Variants in LMCD1 observed in about 807,000 individuals in gnomAD.
LMCD1 encodes LIM and cysteine-rich domains protein 1.
LMCD1 carries 32 observed loss-of-function variants against 42.7 expected under a neutral mutation model. The observed-to-expected ratio is 0.75, with a 90% CI of 0.57 to 1.01. The LOEUF (loss-of-function observed/expected upper bound fraction) is 1.01. Ranked by LOEUF, LMCD1 falls within the 50% of genes least tolerant of loss-of-function variation. The pLI, the probability that LMCD1 is intolerant of heterozygous loss-of-function variation, is 0.00. For missense variants in LMCD1, 458 were observed against 483.1 expected (o/e 0.95, Z 0.49); for synonymous variants, 178 against 184.9 (o/e 0.96, Z 0.30).
chr3:8,507,023 G>A (rs758672025), intron 1 of LMCD1, among the ~76,000 whole-genome samples: 17 of 152,220 alleles, frequency 1.1e-4, no homozygotes, highest in Admixed American at 5.9e-4. Context: ...AAGAGCCTTC[G>A]TTTAGAAATA....
intron 3 of LMCD1, among the ~76,000 whole-genome samples, chr3:8,541,860 T>C (rs1370274637): frequency 1.3e-5 from 2 of 152,176 alleles, no homozygotes; most frequent in Admixed American, 6.5e-5. Context: ...AGAGGGATTC[T>C]GAGGGCTTGA....
At chr3:8,522,614 A>C (rs1694226866) in intron 1 of LMCD1, among the ~76,000 whole-genome samples, 1 of 152,134 alleles carries the variant, frequency 6.6e-6, no homozygotes, top group African/African-American at 2.4e-5. Context: ...GCTTCTGTGA[A>C]TTTATTCCTC....
intron 2 of LMCD1, among the ~76,000 whole-genome samples, chr3:8,534,178 G>C (rs1694466343): frequency 6.6e-6 from 1 of 151,562 alleles, no homozygotes; most frequent in Admixed American, 6.6e-5. Flanking sequence ...TATATTTCTT[G>C]AGCCAGGGGA....
At chr3:8,502,585 CACACACACACACACACACACA>C (rs1423693311) in intron 1 of LMCD1, among the ~76,000 whole-genome samples, 11 of 54,412 alleles carry the variant, frequency 2.0e-4, no homozygotes, top group African/African-American at 5.7e-4. Flanking sequence ...CACACACACA[CACACACACACACACACACACA>C]CGCACGCAGT....
chr3:8,546,367 C>T (rs1005137553), intron 3 of LMCD1, among the ~76,000 whole-genome samples: 3 of 152,178 alleles, frequency 2.0e-5, no homozygotes, highest in African/African-American at 7.2e-5. Flanking sequence ...CTGTCCTGGG[C>T]CATATGTGGC....
intron 1 of LMCD1, among the ~76,000 whole-genome samples, chr3:8,502,279 A>T (rs542897554): frequency 3.7e-4 from 17 of 45,886 alleles, no homozygotes; most frequent in African/African-American, 1.4e-3. Flanking sequence ...ATATATATAA[A>T]ATATATATAA....
intron 1 of LMCD1, among the ~76,000 whole-genome samples, chr3:8,507,106 G>C (rs1432995909): frequency 6.6e-6 from 1 of 152,212 alleles, no homozygotes; most frequent in Admixed American, 6.5e-5. Context: ...ACCAGGTGCA[G>C]GGCCACCAGC....
chr3:8,543,456 GAGATAGACAGACAGAC>G (rs1325958985), intron 3 of LMCD1, among the ~76,000 whole-genome samples: 5 of 145,356 alleles, frequency 3.4e-5, no homozygotes, highest in African/African-American at 7.9e-5. Context: ...GACAGACAGA[GAGATAGACAGACAGAC>G]AGATAGACAG....
chr3:8,560,629 C>T (rs1695017746), intron 4 of LMCD1, among the ~76,000 whole-genome samples: 1 of 152,032 alleles, frequency 6.6e-6, no homozygotes, highest in South Asian at 2.1e-4. Context: ...AGACAGACAA[C>T]TCACTTTGTA....
chr3:8,548,538 ATGT>A, intron 3 of LMCD1, 27 bp from the exon 4 acceptor site: 1 of 1,512,982 alleles, frequency 6.6e-7, no homozygotes, highest in Non-Finnish European at 9.0e-7. Flanking sequence ...CATCCACATC[ATGT>A]TGTCTCTTCC....
At chr3:8,565,951 C>T (rs1245247418) in intron 5 of LMCD1, among the ~76,000 whole-genome samples, 1 of 152,218 alleles carries the variant, frequency 6.6e-6, no homozygotes. Flanking sequence ...CACGTTCAAA[C>T]CTGTATCTGC....
At chr3:8,523,793 G>T (rs968470473) in intron 1 of LMCD1, among the ~76,000 whole-genome samples, 1 of 152,204 alleles carries the variant, frequency 6.6e-6, no homozygotes, top group Non-Finnish European at 1.5e-5. Context: ...AAGAGTCATT[G>T]TTCACCTTCC....
At chr3:8,549,157 A>C (rs1182656429) in intron 4 of LMCD1, among the ~76,000 whole-genome samples, 2 of 152,182 alleles carry the variant, frequency 1.3e-5, no homozygotes, top group Admixed American at 6.5e-5. Flanking sequence ...GAGAAGGGAC[A>C]TCTAAGCCTG....
At chr3:8,515,736 A>G (rs1222097250) in intron 1 of LMCD1, among the ~76,000 whole-genome samples, 1 of 152,146 alleles carries the variant, frequency 6.6e-6, no homozygotes, top group Non-Finnish European at 1.5e-5. Flanking sequence ...CCTTTCTGAC[A>G]GGGACAAGGA....
At chr3:8,565,022 AG>A (rs1695101510) in intron 4 of LMCD1, among the ~76,000 whole-genome samples, 1 of 152,230 alleles carries the variant, frequency 6.6e-6, no homozygotes, top group South Asian at 2.1e-4. Context: ...GTAACAAGAT[AG>A]GTATGTTAAT....
chr3:8,512,690 C>T (rs950057600), intron 1 of LMCD1, among the ~76,000 whole-genome samples: 3 of 152,176 alleles, frequency 2.0e-5, no homozygotes, highest in Non-Finnish European at 4.4e-5. Context: ...ATGAGCCCAG[C>T]CCAGAAATGG....
chr3:8,549,786 C>G, intron 4 of LMCD1: 1 of 702,026 alleles, frequency 1.4e-6, no homozygotes, highest in Non-Finnish European at 2.6e-6. Flanking sequence ...TCCTGGTGAG[C>G]ACTCTCTGCA....
At chr3:8,506,766 A>G (rs1050337566) in intron 1 of LMCD1, among the ~76,000 whole-genome samples, 5 of 152,202 alleles carry the variant, frequency 3.3e-5, no homozygotes, top group Non-Finnish European at 5.9e-5. Flanking sequence ...GTGAGTCATT[A>G]TAATAACTGC....
chr3:8,544,353 T>C (rs1559353405), intron 3 of LMCD1, among the ~76,000 whole-genome samples: 1 of 152,278 alleles, frequency 6.6e-6, no homozygotes, highest in East Asian at 1.9e-4. Context: ...TCTTCTCTTC[T>C]GTCTGAGAAA....
Sources: allele counts gnomAD v4.1 joint callset (sites outside exome capture counted in the v4.1 genomes callset), GRCh38; gene constraint gnomAD v4.1.1; transcripts MANE v1.5; gene names NCBI Gene and HGNC (gene_info 2026-07-23, HGNC 2026-07-21).